Variants in CDKAL1 observed in about 807,000 individuals in gnomAD.
CDKAL1 encodes threonylcarbamoyladenosine tRNA methylthiotransferase.
Under a neutral mutation model 68.2 loss-of-function variants are expected in CDKAL1, and 32 were observed. The observed-to-expected ratio is 0.47, with a 90% CI of 0.35 to 0.63. The LOEUF (loss-of-function observed/expected upper bound fraction) is 0.63. Among genes scored for constraint, CDKAL1 ranks in the 30% least tolerant of loss-of-function variants. The pLI, the probability that CDKAL1 is intolerant of heterozygous loss-of-function variation, is 0.00. For synonymous variants in CDKAL1, 234 were observed against 244.3 expected (o/e 0.96, Z 0.39); for missense variants, 606 against 696.7 (o/e 0.87, Z 1.47).
chr6:20,870,043 G>A (rs1237346813), intron 9 of CDKAL1, among the ~76,000 whole-genome samples: 1 of 152,178 alleles, frequency 6.6e-6, no homozygotes, highest in African/African-American at 2.4e-5. Flanking sequence ...CCATTAAAAT[G>A]TTCCACTTAG....
chr6:21,211,010 G>A (rs968988850), intron 15 of CDKAL1, among the ~76,000 whole-genome samples: 8 of 152,204 alleles, frequency 5.3e-5, no homozygotes, highest in African/African-American at 1.9e-4. Context: ...TCTGACTGTG[G>A]AACCCAAGTC....
intron 11 of CDKAL1, among the ~76,000 whole-genome samples, chr6:21,020,351 A>G (rs1768577585): frequency 6.6e-6 from 1 of 152,206 alleles, no homozygotes; most frequent in Non-Finnish European, 1.5e-5. Flanking sequence ...TGTTGGTTAT[A>G]TTAGAAATAG....
At chr6:21,230,537 G>A (rs980949381) in intron 15 of CDKAL1, among the ~76,000 whole-genome samples, 8 of 152,132 alleles carry the variant, frequency 5.3e-5, no homozygotes, top group Non-Finnish European at 1.0e-4. Context: ...TATGTCTGTG[G>A]TATGACTCCA....
chr6:21,162,651 AC>A (rs1334106223), intron 13 of CDKAL1, among the ~76,000 whole-genome samples: 57 of 152,348 alleles, frequency 3.7e-4, no homozygotes, highest in Admixed American at 2.1e-3. Flanking sequence ...CCTGCTGGGC[AC>A]AGTAGCTGAC....
At chr6:20,947,695 C>G (rs775523290) in intron 9 of CDKAL1, among the ~76,000 whole-genome samples, 12 of 152,182 alleles carry the variant, frequency 7.9e-5, no homozygotes, top group Non-Finnish European at 1.2e-4. Flanking sequence ...CTTAAACATG[C>G]TCAGAACACT....
intron 5 of CDKAL1, among the ~76,000 whole-genome samples, chr6:20,698,665 T>C (rs1362062376): frequency 4.6e-5 from 7 of 152,170 alleles, no homozygotes; most frequent in Admixed American, 4.6e-4. Context: ...GAAGTGCCAT[T>C]CTCATCACAG....
chr6:20,634,338 T>C (rs765759079), intron 4 of CDKAL1, among the ~76,000 whole-genome samples: 1 of 152,254 alleles, frequency 6.6e-6, no homozygotes, highest in Non-Finnish European at 1.5e-5. Context: ...TAGTAAATTC[T>C]CAATAACGAC....
rs529811768 is a variant in CDKAL1, at chr6:21,083,469, A to G, written c.1236+18241A>G. On this transcript the variant is annotated intron_variant, in intron 12 of 15. Coordinates refer to ENST00000274695, the MANE Select transcript of CDKAL1 (RefSeq NM_017774.3). ...GAGAAAGACAGATGTAGATGTAGTC[A>G]TAGATATTTTGCTGCTAAACAATTT... is the stretch of plus-strand genomic sequence containing the variant. 3.0e-4 allele frequency among the ~76,000 whole-genome samples: 46 copies of G among 152,310 alleles called. No homozygotes were observed. The South Asian group carries it at 9.3e-3, about 31-fold the overall frequency.
At position 21,230,618 on chromosome 6, in the gene CDKAL1, A is replaced by G. The variant is rs142880331; in HGVS notation, c.1549-230A>G. On this transcript the variant is annotated intron_variant, in intron 15 of 15. Transcript: ENST00000274695. ...TAAACACGGCCCGTCTTTCTCATAC[A>G]GTTTATGTGTAGTCTGGAGTCATGA... Among the ~76,000 whole-genome samples, 16 of 152,052 alleles carry G rather than the reference A, an allele frequency of 1.1e-4. 1 individual carries two copies. The highest frequency in any genetic ancestry group is 3.4e-4 in the African/African-American group (14 of 41,460).
chr6:20,907,956 G>A (rs1762304220), intron 9 of CDKAL1, among the ~76,000 whole-genome samples: 2 of 152,116 alleles, frequency 1.3e-5, no homozygotes, highest in Admixed American at 6.5e-5. Flanking sequence ...AGCTGGGAAC[G>A]CTGACATCCA....
intron 13 of CDKAL1, among the ~76,000 whole-genome samples, chr6:21,146,134 C>T (rs1776157380): frequency 6.6e-6 from 1 of 152,178 alleles, no homozygotes; most frequent in Non-Finnish European, 1.5e-5. Flanking sequence ...GCATGCACTA[C>T]AGTTGCCCAG....
At chr6:20,739,158 A>G (rs1773332524) in intron 5 of CDKAL1, among the ~76,000 whole-genome samples, 1 of 152,218 alleles carries the variant, frequency 6.6e-6, no homozygotes, top group African/African-American at 2.4e-5. Context: ...GCATATTTTC[A>G]TTAACATTTA....
At chr6:21,023,518 T>G (rs1459981065) in intron 11 of CDKAL1, among the ~76,000 whole-genome samples, 2 of 152,210 alleles carry the variant, frequency 1.3e-5, no homozygotes, top group African/African-American at 2.4e-5. Context: ...TTTAAGTACA[T>G]AAGTCAAGCG....
At chr6:21,137,548 G>T (rs1775672861) in intron 13 of CDKAL1, among the ~76,000 whole-genome samples, 1 of 152,278 alleles carries the variant, frequency 6.6e-6, no homozygotes, top group Admixed American at 6.5e-5. Context: ...TCTTTTCAGA[G>T]AATCTTTGTA....
At chr6:20,700,896 G>GTT (rs11398905) in intron 5 of CDKAL1, among the ~76,000 whole-genome samples, 1,655 of 141,016 alleles carry the variant, frequency 0.012, 27 homozygotes, top group African/African-American at 0.034. Flanking sequence ...AGGTTTTTGG[G>GTT]TTTTTTTTTT....
At chr6:21,053,807 A>G (rs1378424006) in intron 11 of CDKAL1, among the ~76,000 whole-genome samples, 1 of 152,052 alleles carries the variant, frequency 6.6e-6, no homozygotes, top group Admixed American at 6.5e-5. Context: ...CCATTGCATC[A>G]TTGTGTTGTC....
chr6:20,686,954 T>C (rs1319022059), intron 5 of CDKAL1, among the ~76,000 whole-genome samples: 1 of 152,226 alleles, frequency 6.6e-6, no homozygotes, highest in Non-Finnish European at 1.5e-5. Context: ...GCTATGATTA[T>C]GTGATTTTTC....
At chr6:21,148,834 A>G (rs915840435) in intron 13 of CDKAL1, among the ~76,000 whole-genome samples, 1 of 152,226 alleles carries the variant, frequency 6.6e-6, no homozygotes, top group African/African-American at 2.4e-5. Flanking sequence ...TAATTCACCA[A>G]AAATAAGTAC....
chr6:20,831,800 G>A (rs1777729143), intron 8 of CDKAL1, among the ~76,000 whole-genome samples: 1 of 152,160 alleles, frequency 6.6e-6, no homozygotes, highest in Admixed American at 6.5e-5. Context: ...AGCTCATGAG[G>A]CACCCACTTA....
Sources: gnomAD v4.1 joint callset for allele counts (sites outside exome capture counted in the v4.1 genomes callset) on GRCh38, gnomAD v4.1.1 for gene constraint, MANE v1.5 for transcripts, NCBI Gene and HGNC (gene_info 2026-07-23, HGNC 2026-07-21) for gene names.